The following CEP89 variants were observed in gnomAD, a reference collection of about 807,000 sequenced individuals.
The protein encoded by CEP89 is centrosomal protein 89.
In CEP89, 95 loss-of-function variants were observed where a neutral mutation model predicts 97.6. That is an observed-to-expected ratio of 0.97 (90% CI 0.82 to 1.15). The LOEUF is 1.15. CEP89 is among the 50% of genes most tolerant of loss of function. The pLI is 0.00. For synonymous variants in CEP89, 354 were observed against 349.1 expected (o/e 1.01, Z -0.16); for missense variants, 869 against 947.7 (o/e 0.92, Z 1.09).
intron 12 of CEP89, among the ~76,000 whole-genome samples, chr19:32,921,082 CG>C (rs1320903997): frequency 1.3e-5 from 2 of 151,422 alleles, no homozygotes; most frequent in African/African-American, 4.9e-5. Flanking sequence ...ATTAGCCAGG[CG>C]TGGTGGTGGG....
At chr19:32,964,306 G>A (rs1971236761) in intron 2 of CEP89, among the ~76,000 whole-genome samples, 1 of 151,972 alleles carries the variant, frequency 6.6e-6, no homozygotes, top group Admixed American at 6.6e-5. Flanking sequence ...CCAGTAGCTG[G>A]GACTACAGGA....
intron 4 of CEP89, among the ~76,000 whole-genome samples, chr19:32,950,461 G>A (rs191121981): frequency 1.3e-3 from 202 of 152,304 alleles, no homozygotes; most frequent in African/African-American, 4.5e-3. Flanking sequence ...AGGAGGCTGA[G>A]GCAGGAGAAT....
At chr19:32,907,899 T>C (rs1360584650) in intron 14 of CEP89, among the ~76,000 whole-genome samples, 1 of 152,200 alleles carries the variant, frequency 6.6e-6, no homozygotes, top group Non-Finnish European at 1.5e-5. Flanking sequence ...ATTTTTATCT[T>C]TTCTACTGTA....
Position 32,879,171 on chromosome 19 carries a change from G to T in CEP89, c.2343C>A (p.Pro781=). 6.2e-7 allele frequency: 1 copy of T among 1,607,508 alleles called. No homozygotes were observed. The highest frequency in any genetic ancestry group is 1.1e-5 in the South Asian group (1 of 90,368). ...VCSYDLKSHA[P]TC Reference sequence around the variant, plus strand: ...CGGGCTCCCGCAGATTCTAGCAGGTGGGGGCATGAGACTTCAGGTCATAGG... The same window carrying T: ...CGGGCTCCCGCAGATTCTAGCAGGTTGGGGCATGAGACTTCAGGTCATAGG... Residue 781 remains proline (P), a synonymous_variant, in exon 19 of 19, where the codon CCC becomes CCA. Transcript: ENST00000305768.
chr19:32,928,818 A>G (rs1002699799), intron 9 of CEP89, among the ~76,000 whole-genome samples: 1 of 151,982 alleles, frequency 6.6e-6, no homozygotes, highest in Non-Finnish European at 1.5e-5. Context: ...TCTCTGTTGA[A>G]CTCAGGGAAG....
At chr19:32,920,404 T>C (rs1291020565) in intron 12 of CEP89, among the ~76,000 whole-genome samples, 2 of 152,104 alleles carry the variant, frequency 1.3e-5, no homozygotes, top group Non-Finnish European at 2.9e-5. Context: ...ATGAAAGGGA[T>C]CAATCCCCCA....
At chr19:32,968,366 A>G (rs1159549250) in intron 1 of CEP89, among the ~76,000 whole-genome samples, 9 of 152,196 alleles carry the variant, frequency 5.9e-5, no homozygotes, top group Admixed American at 5.9e-4. Flanking sequence ...CTCATGCCTC[A>G]GCCTCCCAAG....
intron 16 of CEP89, among the ~76,000 whole-genome samples, chr19:32,894,614 C>A (rs1052982353): frequency 6.6e-6 from 1 of 152,158 alleles, no homozygotes; most frequent in African/African-American, 2.4e-5. Flanking sequence ...AAAAAACACA[C>A]CCTAGGTGGA....
chr19:32,933,229 T>C (rs970292143), intron 8 of CEP89, among the ~76,000 whole-genome samples: 1 of 152,224 alleles, frequency 6.6e-6, no homozygotes, highest in Non-Finnish European at 1.5e-5. Context: ...TGTTTTGTTT[T>C]TGTAAATTCA....
rs1237256650 is a variant in CEP89 at position 32,899,951 on chromosome 19, G to A, written c.1781C>T (p.Ala594Val). The A allele has an allele frequency of 1.2e-6, 2 of 1,613,822 alleles. No homozygotes were observed. The highest frequency in any genetic ancestry group is 1.7e-6 in the Non-Finnish European group (2 of 1,179,930). The change falls in exon 16 of 19, where the codon GCC becomes GTC. Residue 594 changes from alanine (A) to valine (V), a missense_variant. Ala to Val is a moderately conservative substitution (Grantham distance 64). Transcript: ENST00000305768. ...IEVLKKQVEK[A>V]MGNEMSAHQY... ...ATGAGCAGACATTTCGTTCCCCATG[G>A]CTTTTTCCACCTGCTTTTTGAGGAC... is the stretch of plus-strand genomic sequence containing the variant.
chr19:32,959,993 G>C lies in CEP89; in HGVS notation c.212C>G (p.Pro71Arg). ...ACTCTCAGACCGGGACCTCTGGCGA[G>C]GCTGAGGAATAGCAACCGTCCGCCC... is the stretch of plus-strand genomic sequence containing the variant. ...LTGRTVAIPQ[P>R]RQRSRSESDV... The change falls in exon 3 of 19, where the codon CCT (proline) becomes CGT (arginine). Residue 71 changes from proline to arginine, a missense_variant. By Grantham distance (103) the Pro-to-Arg change is moderately radical. Transcript: ENST00000305768. 2.5e-6 allele frequency: 4 copies of C among 1,614,178 alleles called. No homozygotes were observed. Among genetic ancestry groups the C allele is most frequent in the Non-Finnish European group, 3.4e-6 (4 of 1,180,026 alleles).
Position 32,878,833 on chromosome 19 carries a change from C to G in CEP89, c.*329G>C, listed in dbSNP as rs180690203. 6.9e-4 allele frequency: 153 copies of G among 220,466 alleles called. No individual in the cohort carries two copies. Among genetic ancestry groups the G allele is most frequent in the African/African-American group, 3.3e-3 (145 of 44,302 alleles). 13.7% of individuals were successfully genotyped at this position (220,466 alleles called of 1,614,324 possible). A position where few individuals can be genotyped will look rare whatever the true frequency, so the allele number is the denominator to read the frequency against. ...AAAGAAAAAAATTAGCTGGGCCTGA[C>G]AGTGCACACCTGAGGTCCCAGCTAC... On this transcript the variant is annotated 3_prime_UTR_variant, in exon 19 of 19. Coordinates refer to ENST00000305768, the MANE Select transcript of CEP89 (RefSeq NM_032816.5).
chr19:32,919,175 G>A (rs903887132), intron 12 of CEP89, among the ~76,000 whole-genome samples: 3 of 151,932 alleles, frequency 2.0e-5, no homozygotes, highest in African/African-American at 4.8e-5. Context: ...ATGAGCCACC[G>A]CGTCCAGCCG....
intron 14 of CEP89, among the ~76,000 whole-genome samples, chr19:32,905,209 G>A (rs965771871): frequency 2.0e-5 from 3 of 152,190 alleles, no homozygotes; most frequent in Non-Finnish European, 4.4e-5. Flanking sequence ...CCTATTTGGT[G>A]TGATCTTTAT....
intron 7 of CEP89, chr19:32,937,003 G>A (rs1056604511): frequency 6.5e-6 from 1 of 154,646 alleles, no homozygotes; most frequent in Non-Finnish European, 1.4e-5. Context: ...CCCTCCACTT[G>A]TCTGCTTACC....
chr19:32,952,567 T>C (rs2145957102), intron 4 of CEP89, among the ~76,000 whole-genome samples: 1 of 151,948 alleles, frequency 6.6e-6, no homozygotes, highest in Admixed American at 6.6e-5. Flanking sequence ...TGCTGGTCTA[T>C]ATGTACAGAC....
intron 11 of CEP89, among the ~76,000 whole-genome samples, chr19:32,924,603 C>A (rs1023504404): frequency 6.6e-6 from 1 of 152,040 alleles, no homozygotes; most frequent in African/African-American, 2.4e-5. Flanking sequence ...ATGCCTACAC[C>A]CTTTTAACTT....
chr19:32,971,233 T>C, intron 1 of CEP89: 1 of 341,286 alleles, frequency 2.9e-6, no homozygotes, highest in East Asian at 4.4e-5. Context: ...GCTGATGGGG[T>C]GTACATGGTG....
In CEP89 at chr19:32,878,798, T is replaced by C. The variant is rs1376447624; in HGVS notation, c.*364A>G. 1.2e-5 allele frequency: 2 copies of C among 170,874 alleles called. No homozygotes were observed. The highest frequency in any genetic ancestry group is 3.0e-4 in the East Asian group (2 of 6,630). The allele number at this position is 170,874 out of a possible 1,614,324, so 10.6% of individuals were successfully genotyped here. ...GCCTGAGCAACATAGCAAGACCTCATCTCAACAAAAAAGAAAAAAATTAGC... is the reference window on the plus strand; with the variant it reads ...GCCTGAGCAACATAGCAAGACCTCACCTCAACAAAAAAGAAAAAAATTAGC... On this transcript the variant is annotated 3_prime_UTR_variant, in exon 19 of 19. Coordinates refer to ENST00000305768, the MANE Select transcript of CEP89 (RefSeq NM_032816.5).
Sources: allele counts gnomAD v4.1 joint callset (sites outside exome capture counted in the v4.1 genomes callset), GRCh38; gene constraint gnomAD v4.1.1; transcripts MANE v1.5; gene names NCBI Gene and HGNC (gene_info 2026-07-23, HGNC 2026-07-21).